Variants in SHISA9 observed in about 807,000 individuals in gnomAD.
SHISA9 encodes the protein protein shisa-9.
In SHISA9, 13 loss-of-function variants were observed where a neutral mutation model predicts 38.0. The ratio of observed to expected loss-of-function variants is 0.34; its 90% CI spans 0.22 to 0.54. SHISA9 has a LOEUF of 0.54. Ranked by LOEUF, SHISA9 falls within the 20% of genes least tolerant of loss-of-function variation. The pLI is 0.91. For missense variants in SHISA9, 538 were observed against 575.8 expected, an observed-to-expected ratio of 0.93 and a Z score of 0.67; for synonymous variants, 275 against 242.0, an observed-to-expected ratio of 1.14 and a Z score of -1.27.
chr16:13,348,396 C>G, the SHISA9 span, among the ~76,000 whole-genome samples: 1 of 152,034 alleles, frequency 6.6e-6, no homozygotes, highest in Non-Finnish European at 1.5e-5. Context: ...ACCTATATTT[C>G]TCACATACTT....
At chr16:13,053,658 C>T (rs1002920912) in intron 2 of SHISA9, among the ~76,000 whole-genome samples, 1 of 151,978 alleles carries the variant, frequency 6.6e-6, no homozygotes, top group Non-Finnish European at 1.5e-5. Context: ...CCTGATCTTT[C>T]TTCGTGTATC....
At chr16:13,132,758 G>C (rs1345234404) in intron 2 of SHISA9, among the ~76,000 whole-genome samples, 1 of 152,190 alleles carries the variant, frequency 6.6e-6, no homozygotes, top group Non-Finnish European at 1.5e-5. Context: ...ATTATCTTCT[G>C]AGTGAGACCC....
chr16:13,244,575 C>T (rs1415708040), downstream of SHISA9, among the ~76,000 whole-genome samples: 1 of 152,132 alleles, frequency 6.6e-6, no homozygotes, highest in Non-Finnish European at 1.5e-5. Context: ...ATAAAATACA[C>T]ATAGCATACT....
At chr16:13,477,266 A>AG in the SHISA9 span, among the ~76,000 whole-genome samples, 3 of 152,244 alleles carry the variant, frequency 2.0e-5, no homozygotes, top group Non-Finnish European at 4.4e-5. Context: ...GCTGTGATAG[A>AG]GGCACAGGAC....
At chr16:13,108,129 C>T (rs1049767433) in intron 2 of SHISA9, among the ~76,000 whole-genome samples, 6 of 151,502 alleles carry the variant, frequency 4.0e-5, no homozygotes, top group African/African-American at 1.2e-4. Flanking sequence ...AGCCCCCCTC[C>T]GGCCCCACCC....
At chr16:12,911,337 G>T (rs2071180586) in intron 1 of SHISA9, 1 of 985,316 alleles carries the variant, frequency 1.0e-6, no homozygotes, top group African/African-American at 1.7e-5. Context: ...GGAGCACATA[G>T]TTGGTTCTTT....
chr16:13,094,307 T>C (rs1261284752), intron 2 of SHISA9, among the ~76,000 whole-genome samples: 1 of 152,164 alleles, frequency 6.6e-6, no homozygotes, highest in Non-Finnish European at 1.5e-5. Context: ...GACTTTGAAA[T>C]AGGCCATTAG....
At chr16:13,545,928 T>G in the SHISA9 span, among the ~76,000 whole-genome samples, 1 of 152,166 alleles carries the variant, frequency 6.6e-6, no homozygotes, top group Non-Finnish European at 1.5e-5. Flanking sequence ...CTGGGACTTT[T>G]AATTTGGATT....
intron 2 of SHISA9, among the ~76,000 whole-genome samples, chr16:13,163,614 A>G (rs1226937341): frequency 6.6e-6 from 1 of 152,136 alleles, no homozygotes; most frequent in Non-Finnish European, 1.5e-5. Context: ...AATATTTAAA[A>G]CCATGAACAT....
chr16:13,443,663 A>G, the SHISA9 span, among the ~76,000 whole-genome samples: 13 of 152,180 alleles, frequency 8.5e-5, no homozygotes, highest in Non-Finnish European at 1.8e-4. Flanking sequence ...ATAGGGGCTC[A>G]TTTTAAACAA....
the SHISA9 span, among the ~76,000 whole-genome samples, chr16:13,478,686 C>A: frequency 6.6e-6 from 1 of 152,214 alleles, no homozygotes; most frequent in East Asian, 1.9e-4. Flanking sequence ...TTTTGAAAAA[C>A]AACAGATCTT....
intron 2 of SHISA9, among the ~76,000 whole-genome samples, chr16:13,141,139 G>C (rs1271425497): frequency 6.6e-6 from 1 of 152,042 alleles, no homozygotes; most frequent in Non-Finnish European, 1.5e-5. Flanking sequence ...AAAATCCATT[G>C]ACTTTGCATA....
chr16:12,918,650 T>A (rs1481843518), intron 2 of SHISA9, among the ~76,000 whole-genome samples: 1 of 152,232 alleles, frequency 6.6e-6, no homozygotes, highest in Non-Finnish European at 1.5e-5. Context: ...GGTTTATTTA[T>A]GATTCTTGCG....
chr16:12,950,965 T>C (rs1348631762), intron 2 of SHISA9, among the ~76,000 whole-genome samples: 4 of 150,380 alleles, frequency 2.7e-5, no homozygotes, highest in African/African-American at 9.8e-5. Context: ...CTCACACCTG[T>C]AATCTCAGCA....
At position 13,223,658 on chromosome 16, in the gene SHISA9, A is replaced by G. The variant is rs538624315; in HGVS notation, c.895+10358A>G. On this transcript the variant is annotated intron_variant, in intron 4 of 4. Transcript: ENST00000558583. ...GTTCTCATGCTGCGAATAAAGATGT[A>G]CCTGAGACTGGGTAATTTATAAAGG... Among the ~76,000 whole-genome samples, 39 of 152,202 alleles carry G rather than the reference A, an allele frequency of 2.6e-4. No individual in the cohort carries two copies. The South Asian group carries it at 7.7e-3, about 30-fold the overall frequency.
At chr16:12,990,253 T>A (rs907486179) in intron 2 of SHISA9, among the ~76,000 whole-genome samples, 1 of 152,212 alleles carries the variant, frequency 6.6e-6, no homozygotes, top group African/African-American at 2.4e-5. Flanking sequence ...TACATGTGCA[T>A]CTATCTTTAT....
the SHISA9 span, among the ~76,000 whole-genome samples, chr16:13,330,513 T>A: frequency 6.6e-6 from 1 of 152,202 alleles, no homozygotes; most frequent in African/African-American, 2.4e-5. Context: ...AGAGATATTC[T>A]ATGAATGTAC....
chr16:13,155,138 A>G (rs1484019894), intron 2 of SHISA9, among the ~76,000 whole-genome samples: 1 of 152,244 alleles, frequency 6.6e-6, no homozygotes, highest in Non-Finnish European at 1.5e-5. Flanking sequence ...GTTGCAATGC[A>G]ATGAAATGAA....
intron 2 of SHISA9, among the ~76,000 whole-genome samples, chr16:12,931,415 T>G (rs1475670628): frequency 6.6e-6 from 1 of 152,136 alleles, no homozygotes; most frequent in Non-Finnish European, 1.5e-5. Context: ...TAGATAGTTT[T>G]CCAGCCCTTG....
Sources: gnomAD v4.1 joint callset for allele counts (sites outside exome capture counted in the v4.1 genomes callset) on GRCh38, gnomAD v4.1.1 for gene constraint, MANE v1.5 for transcripts, NCBI Gene and HGNC (gene_info 2026-07-23, HGNC 2026-07-21) for gene names.